COL23A1: variants seen among roughly 807,000 people sequenced by gnomAD.
COL23A1 encodes collagen alpha-1(XXIII) chain.
COL23A1 carries 97 observed loss-of-function variants against 99.3 expected under a neutral mutation model. The observed-to-expected ratio is 0.98, with a 90% CI of 0.83 to 1.16. COL23A1 has a LOEUF of 1.16. COL23A1 is among the 50% of genes most tolerant of loss of function. The pLI, the probability that COL23A1 is intolerant of heterozygous loss-of-function variation, is 0.00. For synonymous variants in COL23A1, 320 were observed against 308.2 expected (o/e 1.04, Z -0.40); for missense variants, 762 against 757.4 (o/e 1.01, Z -0.07).
rs900735303 is a variant in COL23A1, at chr5:178,527,866, G to C, written c.361+32816C>G. On this transcript the variant is annotated intron_variant, in intron 2 of 28. Coordinates refer to ENST00000390654, the MANE Select transcript of COL23A1 (RefSeq NM_173465.4). Reference sequence around the variant, plus strand: ...TGTTCCTCAGATACAGCCCGAAATGGAAAATGCCAAGATAAAACCTTTCCA... The same window carrying C: ...TGTTCCTCAGATACAGCCCGAAATGCAAAATGCCAAGATAAAACCTTTCCA... Among the ~76,000 whole-genome samples, 5 of 152,216 alleles carry C rather than the reference G, an allele frequency of 3.3e-5. No individual in the cohort carries two copies. The East Asian group carries it at 9.6e-4, about 29-fold the overall frequency.
At chr5:178,524,569 A>G (rs1760202071) in intron 2 of COL23A1, among the ~76,000 whole-genome samples, 1 of 152,206 alleles carries the variant, frequency 6.6e-6, no homozygotes, top group Non-Finnish European at 1.5e-5. Flanking sequence ...GGTCCTGGAA[A>G]TGGTCGGGCA....
intron 2 of COL23A1, among the ~76,000 whole-genome samples, chr5:178,355,471 A>G (rs571588549): frequency 4.6e-5 from 7 of 152,346 alleles, no homozygotes; most frequent in African/African-American, 1.7e-4. Context: ...ATAGTATATT[A>G]GTCTGTTCTC....
At position 178,365,136 on chromosome 5, in the gene COL23A1, CGTGTGTGT is replaced by C. The variant is rs55995523; in HGVS notation, c.362-58225_362-58218del. ...GGGCTTTATGATGTTGCTGTGTGTG[CGTGTGTGT>C]GTGTGTGTGTGTGTGTGTGTGTGTG... is the stretch of plus-strand genomic sequence containing the variant. On this transcript the variant is annotated intron_variant, in intron 2 of 28. Coordinates refer to ENST00000390654, the MANE Select transcript of COL23A1 (RefSeq NM_173465.4). The surrounding 1 kb of genome is among the most constrained non-coding windows in gnomAD (Gnocchi z 5.2). 0.012 allele frequency among the ~76,000 whole-genome samples: 1,800 copies of C among 147,886 alleles called. 32 individuals carry two copies. The highest frequency in any genetic ancestry group is 0.041 in the African/African-American group (1,647 of 40,178).
rs559396950 is a variant in COL23A1 at position 178,518,119 on chromosome 5, A to C, written c.361+42563T>G. 5.5e-4 allele frequency among the ~76,000 whole-genome samples: 74 copies of C among 134,180 alleles called. 5 individuals carry two copies. Among genetic ancestry groups the C allele is most frequent in the African/African-American group, 2.0e-3 (67 of 32,938 alleles). The allele number at this position is 134,180 out of a possible 152,430, so 88.0% of individuals were successfully genotyped here. A position where few individuals can be genotyped will look rare whatever the true frequency, so the allele number is the denominator to read the frequency against. On this transcript the variant is annotated intron_variant, in intron 2 of 28. Coordinates refer to ENST00000390654, the MANE Select transcript of COL23A1 (RefSeq NM_173465.4). ...GACTCTTAAGGAGCATGCTGCCTTC[A>C]AGCATCTGTTTAACAAAGCACATCT...
chr5:178,292,017 CT>C (rs1757485198), intron 3 of COL23A1, among the ~76,000 whole-genome samples: 1 of 152,160 alleles, frequency 6.6e-6, no homozygotes, highest in Non-Finnish European at 1.5e-5. Context: ...CAAACAAAAG[CT>C]GCCGGATAGG....
intron 2 of COL23A1, among the ~76,000 whole-genome samples, chr5:178,491,401 C>T (rs1184295293): frequency 6.6e-6 from 1 of 152,146 alleles, no homozygotes; most frequent in Non-Finnish European, 1.5e-5. Context: ...GGACAATTAG[C>T]CTTGACTTGG....
chr5:178,479,175 C>T (rs947430584), intron 2 of COL23A1, among the ~76,000 whole-genome samples: 4 of 152,248 alleles, frequency 2.6e-5, no homozygotes, highest in East Asian at 1.9e-4. Flanking sequence ...CACCATCAGG[C>T]GCTTTATGTG....
chr5:178,572,963 GT>G (rs1232568145), intron 1 of COL23A1, among the ~76,000 whole-genome samples: 4 of 152,250 alleles, frequency 2.6e-5, no homozygotes. Context: ...AACAAAGAGT[GT>G]GTTATTCCAC....
At chr5:178,295,434 G>A (rs888780152) in intron 3 of COL23A1, among the ~76,000 whole-genome samples, 15 of 152,118 alleles carry the variant, frequency 9.9e-5, no homozygotes, top group Non-Finnish European at 2.1e-4. Flanking sequence ...AAGAAATGAA[G>A]GTTAAAATTA....
intron 2 of COL23A1, among the ~76,000 whole-genome samples, chr5:178,382,713 A>G (rs1015768482): frequency 1.4e-4 from 21 of 152,156 alleles, no homozygotes; most frequent in Non-Finnish European, 2.9e-5. Flanking sequence ...TATGACATGG[A>G]AAAGAGAGCC....
chr5:178,311,921 G>A (rs1366732262), intron 2 of COL23A1, among the ~76,000 whole-genome samples: 8 of 151,924 alleles, frequency 5.3e-5, no homozygotes, highest in African/African-American at 1.7e-4. Context: ...AGTAGAGACC[G>A]AGTTTCACCA....
At chr5:178,436,524 T>C (rs955043154) in intron 2 of COL23A1, among the ~76,000 whole-genome samples, 1 of 152,166 alleles carries the variant, frequency 6.6e-6, no homozygotes, top group African/African-American at 2.4e-5. Context: ...CCAAACCACC[T>C]GGAAACACAC....
intron 2 of COL23A1, among the ~76,000 whole-genome samples, chr5:178,355,811 G>A (rs1406338422): frequency 6.6e-6 from 1 of 152,104 alleles, no homozygotes; most frequent in Non-Finnish European, 1.5e-5. Flanking sequence ...TCTGTGTTTA[G>A]CTGAATCCAC....
At chr5:178,379,467 T>C (rs1290936605) in intron 2 of COL23A1, among the ~76,000 whole-genome samples, 1 of 152,190 alleles carries the variant, frequency 6.6e-6, no homozygotes, top group East Asian at 1.9e-4. Flanking sequence ...CTTGCAGGGA[T>C]GAAGGCAGCC....
At chr5:178,514,120 T>C (rs1159959901) in intron 2 of COL23A1, among the ~76,000 whole-genome samples, 1 of 152,198 alleles carries the variant, frequency 6.6e-6, no homozygotes, top group African/African-American at 2.4e-5. Flanking sequence ...CTTGATGAAT[T>C]TGATGGCTCT....
intron 2 of COL23A1, among the ~76,000 whole-genome samples, chr5:178,459,416 T>C (rs1381713201): frequency 1.3e-5 from 2 of 152,174 alleles, no homozygotes; most frequent in East Asian, 1.9e-4. Context: ...AGGTGACTGG[T>C]ATGTGGGGCT....
intron 2 of COL23A1, among the ~76,000 whole-genome samples, chr5:178,541,325 T>C (rs1399116112): frequency 1.3e-5 from 2 of 152,198 alleles, no homozygotes; most frequent in African/African-American, 4.8e-5. Context: ...CAGTGGCTCA[T>C]GCCTGTAATC....
chr5:178,255,079 G>A lies in COL23A1; in HGVS notation c.883-53C>T. 4 of 1,459,790 alleles carry A rather than the reference G, an allele frequency of 2.7e-6. No homozygotes were observed. Among genetic ancestry groups the A allele is most frequent in the Non-Finnish European group, 3.8e-6 (4 of 1,041,348 alleles). 90.4% of individuals were successfully genotyped at this position (1,459,790 alleles called of 1,614,324 possible). On this transcript the variant is annotated intron_variant, in intron 15 of 28. Coordinates refer to ENST00000390654, the MANE Select transcript of COL23A1 (RefSeq NM_173465.4). This position sits in a 1 kb window ranked among gnomAD's most constrained non-coding sequence, Gnocchi z 4.2. ...CAGGGAAGAGCTACACTGAGTTGGA[G>A]GTGAAGTGGCAGCTGTCCCTGCATC... is the stretch of plus-strand genomic sequence containing the variant.
At chr5:178,347,349 G>A (rs1440064054) in intron 2 of COL23A1, among the ~76,000 whole-genome samples, 2 of 151,714 alleles carry the variant, frequency 1.3e-5, no homozygotes, top group African/African-American at 4.8e-5. Context: ...CCACTCACAG[G>A]AAATGTCCCG....
Sources: allele counts gnomAD v4.1 joint callset (sites outside exome capture counted in the v4.1 genomes callset), GRCh38; gene constraint gnomAD v4.1.1; non-coding constraint Gnocchi (gnomAD v3.1); transcripts MANE v1.5; gene names NCBI Gene and HGNC (gene_info 2026-07-23, HGNC 2026-07-21).